The following CWH43 variants were observed in gnomAD, a reference collection of about 807,000 sequenced individuals.
The protein encoded by CWH43 is PGAP2-interacting protein.
CWH43 carries 91 observed loss-of-function variants against 85.7 expected under a neutral mutation model. The observed-to-expected ratio is 1.06, with a 90% CI of 0.90 to 1.26. The LOEUF is 1.26. Among genes scored for constraint, CWH43 ranks in the 50% most tolerant of loss-of-function variants. The pLI, the probability that CWH43 is intolerant of heterozygous loss-of-function variation, is 0.00. For synonymous variants in CWH43, 323 were observed against 293.6 expected, an observed-to-expected ratio of 1.10 and a Z score of -1.02; for missense variants, 869 against 839.2, an observed-to-expected ratio of 1.04 and a Z score of -0.44.
chr4:49,047,857 G>T (rs1784675606), intron 14 of CWH43, among the ~76,000 whole-genome samples: 1 of 152,094 alleles, frequency 6.6e-6, no homozygotes, highest in Non-Finnish European at 1.5e-5. Flanking sequence ...TTACTGAGGT[G>T]GGCCAAGGAG....
At chr4:49,013,166 C>G (rs1401722789) in intron 8 of CWH43, among the ~76,000 whole-genome samples, 1 of 152,242 alleles carries the variant, frequency 6.6e-6, no homozygotes, top group Admixed American at 6.5e-5. Context: ...AGCTTCCTGG[C>G]TGCTTTGTTT....
intron 2 of CWH43, among the ~76,000 whole-genome samples, chr4:48,990,145 G>T (rs1782613995): frequency 6.6e-6 from 1 of 152,154 alleles, no homozygotes. Context: ...TTCTGGTGAT[G>T]GTAAGGGATG....
chr4:49,000,369 G>A (rs184567131), intron 6 of CWH43, among the ~76,000 whole-genome samples: 3 of 152,286 alleles, frequency 2.0e-5, no homozygotes, highest in Admixed American at 6.5e-5. Flanking sequence ...CAGTCTTGTT[G>A]AGCTGTTTGT....
intron 13 of CWH43, among the ~76,000 whole-genome samples, chr4:49,041,194 T>C (rs1784449991): frequency 6.6e-6 from 1 of 152,218 alleles, no homozygotes; most frequent in South Asian, 2.1e-4. Context: ...TCCAGCTTTG[T>C]TCTTTTGGCT....
At position 49,038,106 on chromosome 4, in the gene CWH43, A is replaced by G. The variant is rs1298150762; in HGVS notation, c.1729A>G (p.Ile577Val). 1.9e-6 allele frequency: 3 copies of G among 1,613,104 alleles called. No homozygotes were observed. Among genetic ancestry groups the G allele is most frequent in the Admixed American group, 3.3e-5 (2 of 59,940 alleles). ...KLLKSSSNQV[I>V]FLGYITSAPG... ...ACTGAAAAGTAGCTCTAATCAAGTG[A>G]TATTTCTGGGATATATCACTTCAGC... The change falls in exon 13 of 16, where the codon ATA becomes GTA. Residue 577 changes from isoleucine (I) to valine (V), a missense_variant. Around this residue, in one of 3 missense-constraint regions of CWH43, gnomAD observed 577 missense variants for 513.1 expected, o/e 1.12. Coordinates refer to ENST00000226432, the MANE Select transcript of CWH43 (RefSeq NM_025087.3).
At chr4:49,007,556 A>G (rs1429064410) in intron 8 of CWH43, among the ~76,000 whole-genome samples, 1 of 152,134 alleles carries the variant, frequency 6.6e-6, no homozygotes, top group Non-Finnish European at 1.5e-5. Flanking sequence ...TACATGTGCC[A>G]TGTTGGTTTG....
rs1446482772 is a variant in CWH43, at chr4:49,061,709, T to C, written c.2022-103T>C. ...ATATGCATGAATCTTTTTTATTTAT[T>C]CATTTGCTATTTTATTTTATGATTG... On this transcript the variant is annotated intron_variant, in intron 15 of 15. Coordinates refer to ENST00000226432, the MANE Select transcript of CWH43 (RefSeq NM_025087.3). 7.0e-6 allele frequency: 7 copies of C among 1,003,208 alleles called. No homozygotes were observed. In the East Asian group the frequency reaches 2.8e-4, roughly 41 times the overall value. 62.1% of individuals were successfully genotyped at this position (1,003,208 alleles called of 1,614,324 possible).
chr4:49,027,121 C>T (rs78036659), intron 9 of CWH43, among the ~76,000 whole-genome samples: 2,231 of 152,192 alleles, frequency 0.015, 54 homozygotes, highest in African/African-American at 0.049. Context: ...GGGATGAGAA[C>T]GGATGCAAGG....
At chr4:49,037,308 C>A (rs138702757) in intron 12 of CWH43, among the ~76,000 whole-genome samples, 109 of 152,258 alleles carry the variant, frequency 7.2e-4, no homozygotes, top group Non-Finnish European at 1.3e-3. Context: ...CAGTGGCTCA[C>A]GCCTGTAATC....
chr4:49,044,612 T>A (rs544481731), intron 13 of CWH43, among the ~76,000 whole-genome samples, 174 bp from the exon 14 acceptor site: 3 of 152,178 alleles, frequency 2.0e-5, no homozygotes, highest in Non-Finnish European at 4.4e-5. Flanking sequence ...AGGTGCTCAA[T>A]AAATATATGT....
At chr4:49,045,280 A>G (rs1273660657) in intron 14 of CWH43, among the ~76,000 whole-genome samples, 2 of 152,176 alleles carry the variant, frequency 1.3e-5, no homozygotes, top group Non-Finnish European at 2.9e-5. Context: ...CCATTACTAT[A>G]CTGTAGTGAG....
chr4:49,039,950 G>A (rs1442927188), intron 13 of CWH43, among the ~76,000 whole-genome samples: 1 of 151,608 alleles, frequency 6.6e-6, no homozygotes, highest in Non-Finnish European at 1.5e-5. Context: ...CTGTGTCCAT[G>A]TGTTCTCATT....
chr4:48,999,064 T>C (rs1216006061), intron 6 of CWH43, among the ~76,000 whole-genome samples: 1 of 152,154 alleles, frequency 6.6e-6, no homozygotes, highest in Non-Finnish European at 1.5e-5. Context: ...TTATTCTTCC[T>C]GATCCTCTCT....
intron 12 of CWH43, among the ~76,000 whole-genome samples, chr4:49,035,015 T>C (rs574681079): frequency 1.3e-5 from 2 of 152,320 alleles, no homozygotes; most frequent in East Asian, 3.9e-4. Flanking sequence ...CATTCCTTGC[T>C]TTAGGAACCA....
At chr4:49,041,529 G>A (rs1247600479) in intron 13 of CWH43, among the ~76,000 whole-genome samples, 2 of 152,144 alleles carry the variant, frequency 1.3e-5, no homozygotes, top group Non-Finnish European at 2.9e-5. Flanking sequence ...GTTCACTCAT[G>A]ATTTGGCTCT....
At chr4:49,008,179 T>A (rs1393684347) in intron 8 of CWH43, among the ~76,000 whole-genome samples, 2 of 152,236 alleles carry the variant, frequency 1.3e-5, no homozygotes, top group Non-Finnish European at 2.9e-5. Flanking sequence ...TGGTGTGAGA[T>A]GGTATCCCAT....
At chr4:49,017,023 T>C (rs916396330) in intron 8 of CWH43, 1 of 764,172 alleles carries the variant, frequency 1.3e-6, no homozygotes, top group Non-Finnish European at 2.4e-6. Context: ...ATATAGGCAG[T>C]TGGGGGAGAG....
chr4:49,007,620 C>A (rs569740042), intron 8 of CWH43, among the ~76,000 whole-genome samples: 1 of 151,680 alleles, frequency 6.6e-6, no homozygotes, highest in Non-Finnish European at 1.5e-5. Flanking sequence ...TGCTATCCCT[C>A]CCCCCTCACC....
intron 9 of CWH43, among the ~76,000 whole-genome samples, chr4:49,020,886 G>C (rs975904339): frequency 6.6e-5 from 10 of 151,774 alleles, no homozygotes; most frequent in African/African-American, 2.4e-4. Context: ...CATGTCCTTA[G>C]CTCACTTTTT....
Sources: gnomAD v4.1 joint callset for allele counts (sites outside exome capture counted in the v4.1 genomes callset) on GRCh38, gnomAD v4.1.1 for gene constraint, gnomAD v4.1.1 regional missense constraint, MANE v1.5 for transcripts, NCBI Gene and HGNC (gene_info 2026-07-23, HGNC 2026-07-21) for gene names.